Variants in FRS2 observed in about 807,000 individuals in gnomAD.
FRS2 encodes fibroblast growth factor receptor substrate 2.
FRS2 carries 8 observed loss-of-function variants against 43.9 expected under a neutral mutation model. The observed-to-expected ratio is 0.18, with a 90% CI of 0.11 to 0.33. FRS2 has a LOEUF of 0.33. Ranked by LOEUF, FRS2 falls within the 10% of genes least tolerant of loss-of-function variation. The pLI, the probability that FRS2 is intolerant of heterozygous loss-of-function variation, is 1.00. For synonymous variants in FRS2, 219 were observed against 220.3 expected, an observed-to-expected ratio of 0.99 and a Z score of 0.05; for missense variants, 534 against 627.6, an observed-to-expected ratio of 0.85 and a Z score of 1.59.
At chr12:69,491,238 G>A (rs556494511) in intron 1 of FRS2, among the ~76,000 whole-genome samples, 1 of 152,108 alleles carries the variant, frequency 6.6e-6, no homozygotes, top group East Asian at 1.9e-4. Context: ...TGGGACCACA[G>A]GCACAAGCCA....
intron 3 of FRS2, among the ~76,000 whole-genome samples, chr12:69,538,957 C>A (rs1240566143): frequency 1.1e-4 from 17 of 152,174 alleles, no homozygotes; most frequent in Admixed American, 2.0e-4. Flanking sequence ...TGCCATGACA[C>A]CCCGGTAGCA....
chr12:69,561,351 G>A (rs536116726), intron 3 of FRS2, among the ~76,000 whole-genome samples: 2 of 152,184 alleles, frequency 1.3e-5, no homozygotes, highest in Non-Finnish European at 2.9e-5. Context: ...ATTGTTGACT[G>A]TGGGTACATG....
intron 1 of FRS2, among the ~76,000 whole-genome samples, chr12:69,491,017 TCCTA>T (rs1360750369): frequency 1.3e-5 from 2 of 152,250 alleles, no homozygotes; most frequent in Non-Finnish European, 2.9e-5. Context: ...AAGTCTTTTT[TCCTA>T]CCTTTCTGTC....
chr12:69,548,747 A>T (rs1372084226), intron 3 of FRS2, among the ~76,000 whole-genome samples: 1 of 152,244 alleles, frequency 6.6e-6, no homozygotes, highest in African/African-American at 2.4e-5. Flanking sequence ...TGGGAACACC[A>T]GGCTGTTAGG....
chr12:69,496,225 A>G (rs1415483404), intron 1 of FRS2, among the ~76,000 whole-genome samples: 1 of 152,128 alleles, frequency 6.6e-6, no homozygotes, highest in Non-Finnish European at 1.5e-5. Context: ...TCATGAGGTC[A>G]GGAGATCGAG....
intron 3 of FRS2, among the ~76,000 whole-genome samples, chr12:69,544,137 C>T (rs1372315137): frequency 1.3e-5 from 2 of 149,130 alleles, no homozygotes; most frequent in East Asian, 3.9e-4. Flanking sequence ...TGGAACTTAA[C>T]AGAAAACTTC....
chr12:69,526,804 A>G lies in FRS2; in HGVS notation c.-260-4061A>G, dbSNP rs190559432. On this transcript the variant is annotated intron_variant, in intron 1 of 8. Transcript: ENST00000549921. ...AGTGGCACGATCTCGGCTCACTGCA[A>G]TCTCCGCCTCCCAGGTTCAAGTGAT... Among the ~76,000 whole-genome samples the G allele has an allele frequency of 3.9e-3, 590 of 152,106 alleles. 20 individuals are homozygous for G. Among genetic ancestry groups the G allele is most frequent in the Non-Finnish European group, 5.9e-4 (40 of 67,976 alleles).
intron 3 of FRS2, among the ~76,000 whole-genome samples, chr12:69,546,280 C>CA (rs1056299638): frequency 2.0e-5 from 3 of 151,652 alleles, no homozygotes; most frequent in African/African-American, 7.3e-5. Context: ...TTTTTGGAGA[C>CA]AGAGTCTCGC....
At chr12:69,565,982 GTTT>G (rs35354118) in intron 4 of FRS2, among the ~76,000 whole-genome samples, 2 of 151,246 alleles carry the variant, frequency 1.3e-5, no homozygotes. Context: ...AGTGCAGTAG[GTTT>G]TTTTTTATAC....
At chr12:69,506,067 A>T (rs1415598262) in intron 1 of FRS2, among the ~76,000 whole-genome samples, 1 of 152,188 alleles carries the variant, frequency 6.6e-6, no homozygotes, top group Non-Finnish European at 1.5e-5. Flanking sequence ...ATTATGAGAC[A>T]GTAAAGTTGT....
intron 1 of FRS2, among the ~76,000 whole-genome samples, chr12:69,511,582 T>C (rs911394732): frequency 2.6e-5 from 4 of 152,204 alleles, no homozygotes; most frequent in Non-Finnish European, 4.4e-5. Context: ...AAATTTTGTT[T>C]TAAAAAAACT....
chr12:69,555,526 G>A lies in FRS2; in HGVS notation c.-121-6654G>A, dbSNP rs149452865. 1.5e-4 allele frequency among the ~76,000 whole-genome samples: 23 copies of A among 152,286 alleles called. 1 individual carries two copies. In the East Asian group the frequency reaches 4.4e-3, roughly 29 times the overall value. On this transcript the variant is annotated intron_variant, in intron 3 of 8. Coordinates refer to ENST00000549921, the MANE Select transcript of FRS2 (RefSeq NM_001278356.2). The stretch of plus-strand genomic sequence containing the variant: ...TTCATGAGGGGGAATGTTACAAAAC[G>A]TATATACAATTGACCCTTTAACAAC...
At chr12:69,534,668 T>TG (rs1877106812) in intron 3 of FRS2, among the ~76,000 whole-genome samples, 1 of 152,182 alleles carries the variant, frequency 6.6e-6, no homozygotes, top group Non-Finnish European at 1.5e-5. Flanking sequence ...TGATTATGCA[T>TG]CATTCCTCCT....
chr12:69,565,501 AT>A (rs1880214915), intron 4 of FRS2, among the ~76,000 whole-genome samples: 2 of 152,276 alleles, frequency 1.3e-5, no homozygotes, highest in South Asian at 4.1e-4. Flanking sequence ...CTCTCTTATA[AT>A]ATTTAGCTTA....
rs774406605 is a variant in FRS2, at chr12:69,576,445, C to G, written c.*1490C>G. On this transcript the variant is annotated 3_prime_UTR_variant, in exon 9 of 9. Transcript: ENST00000549921. ...TGGAAAATCAAAGATGTTCCAATTT[C>G]CTAAACACTAGAGAATACGAGAGAA... The G allele has an allele frequency of 1.7e-4, 26 of 152,082 alleles. No individual in the cohort carries two copies. The highest frequency in any genetic ancestry group is 3.5e-4 in the Non-Finnish European group (24 of 68,002). 9.4% of individuals were successfully genotyped at this position (152,082 alleles called of 1,614,324 possible).
chr12:69,530,099 C>G (rs1045225739), intron 1 of FRS2, among the ~76,000 whole-genome samples: 3 of 151,888 alleles, frequency 2.0e-5, no homozygotes, highest in African/African-American at 7.3e-5. Context: ...AACAAAAACC[C>G]CTTCTGTGGT....
intron 1 of FRS2, among the ~76,000 whole-genome samples, chr12:69,485,302 C>T (rs1871814143): frequency 6.6e-6 from 1 of 151,988 alleles, no homozygotes; most frequent in Non-Finnish European, 1.5e-5. Context: ...CCTGCCTCAG[C>T]CTCCCAAGTA....
intron 1 of FRS2, among the ~76,000 whole-genome samples, chr12:69,500,809 C>T (rs542741521): frequency 1.5e-4 from 23 of 152,236 alleles, no homozygotes; most frequent in African/African-American, 3.9e-4. Flanking sequence ...GAGTCATATA[C>T]AAAGGTATGA....
chr12:69,502,053 CCTT>C (rs1873500982), intron 1 of FRS2, among the ~76,000 whole-genome samples: 1 of 151,908 alleles, frequency 6.6e-6, no homozygotes, highest in Admixed American at 6.6e-5. Context: ...GAAACCTCCG[CCTT>C]CTGGATTTAA....
Sources: allele counts gnomAD v4.1 joint callset (sites outside exome capture counted in the v4.1 genomes callset), GRCh38; gene constraint gnomAD v4.1.1; transcripts MANE v1.5; gene names NCBI Gene and HGNC (gene_info 2026-07-23, HGNC 2026-07-21).